The following AUTS2 variants were observed in gnomAD, a reference collection of about 807,000 sequenced individuals.
The protein encoded by AUTS2 is autism susceptibility gene 2 protein.
In AUTS2, 17 loss-of-function variants were observed where a neutral mutation model predicts 112.4. The observed-to-expected ratio is 0.15, with a 90% CI of 0.10 to 0.23. The LOEUF (loss-of-function observed/expected upper bound fraction) is 0.23. Ranked by LOEUF, AUTS2 falls within the 10% of genes least tolerant of loss-of-function variation. The probability of loss-of-function intolerance (pLI) is 1.00; values close to 1 mark genes in which losing one functional copy is unlikely to be tolerated. For synonymous variants in AUTS2, 751 were observed against 702.7 expected (o/e 1.07, Z -1.09); for missense variants, 1,510 against 1,701.6 (o/e 0.89, Z 1.98).
At chr7:69,952,861 A>C (rs2129546130) in intron 2 of AUTS2, among the ~76,000 whole-genome samples, 1 of 152,310 alleles carries the variant, frequency 6.6e-6, no homozygotes, top group South Asian at 2.1e-4. Flanking sequence ...AAATGAAAGA[A>C]ATATTGTCCA....
At chr7:70,243,275 GTGTGTA>G (rs1376789865) in intron 4 of AUTS2, among the ~76,000 whole-genome samples, 24 of 131,636 alleles carry the variant, frequency 1.8e-4, no homozygotes, top group African/African-American at 6.4e-4. Context: ...GTGTGTGTGT[GTGTGTA>G]TGAGTATATA....
chr7:70,243,384 G>T (rs1812734002), intron 4 of AUTS2, among the ~76,000 whole-genome samples: 1 of 151,888 alleles, frequency 6.6e-6, no homozygotes, highest in Non-Finnish European at 1.5e-5. Flanking sequence ...GGTTGATCAG[G>T]CATGAGTGGT....
intron 6 of AUTS2, among the ~76,000 whole-genome samples, chr7:70,713,627 GCTCACGC>G (rs1346033697): frequency 1.9e-4 from 29 of 152,312 alleles, no homozygotes; most frequent in African/African-American, 7.0e-4. Context: ...GGGCGTGGTG[GCTCACGC>G]CTGTAATCCC....
intron 3 of AUTS2, among the ~76,000 whole-genome samples, chr7:70,124,442 C>T (rs1805851508): frequency 6.6e-6 from 1 of 152,134 alleles, no homozygotes; most frequent in Non-Finnish European, 1.5e-5. Flanking sequence ...TTCCTATGTG[C>T]AGCATAGTAC....
intron 2 of AUTS2, among the ~76,000 whole-genome samples, chr7:70,105,693 T>C (rs1472872755): frequency 3.3e-5 from 5 of 152,192 alleles, no homozygotes; most frequent in Non-Finnish European, 7.3e-5. Flanking sequence ...CTTCATTTAC[T>C]GGCCTCTCCC....
chr7:70,590,210 T>G (rs935249028), intron 5 of AUTS2, among the ~76,000 whole-genome samples: 3 of 151,876 alleles, frequency 2.0e-5, no homozygotes, highest in Non-Finnish European at 4.4e-5. Context: ...CCCAGAGAAG[T>G]ACTGACAACA....
At chr7:70,135,590 G>A (rs1806513721) in intron 4 of AUTS2, among the ~76,000 whole-genome samples, 1 of 152,128 alleles carries the variant, frequency 6.6e-6, no homozygotes. Flanking sequence ...ATGGAAACCA[G>A]CATCATTTCA....
intron 2 of AUTS2, among the ~76,000 whole-genome samples, chr7:70,084,116 G>A (rs1803466237): frequency 6.6e-6 from 1 of 151,892 alleles, no homozygotes; most frequent in Non-Finnish European, 1.5e-5. Context: ...ACTGTTTTTT[G>A]TCACTATAAA....
chr7:69,903,458 G>T (rs1795044420), intron 2 of AUTS2, among the ~76,000 whole-genome samples: 1 of 152,146 alleles, frequency 6.6e-6, no homozygotes, highest in African/African-American at 2.4e-5. Flanking sequence ...AAGTTGATGA[G>T]CATTCAGAGA....
chr7:69,836,450 A>T (rs530446286), intron 1 of AUTS2, among the ~76,000 whole-genome samples: 58 of 152,344 alleles, frequency 3.8e-4, no homozygotes, highest in African/African-American at 1.4e-3. Context: ...CGAAGAATTC[A>T]TGTAAGTTGA....
At chr7:69,956,618 T>C (rs940205066) in intron 2 of AUTS2, among the ~76,000 whole-genome samples, 2 of 152,154 alleles carry the variant, frequency 1.3e-5, no homozygotes, top group Non-Finnish European at 1.5e-5. Context: ...TTTATTTCCA[T>C]CTTAAGGAAG....
chr7:70,458,658 C>A (rs1796843812), intron 5 of AUTS2, among the ~76,000 whole-genome samples: 1 of 152,092 alleles, frequency 6.6e-6, no homozygotes, highest in Non-Finnish European at 1.5e-5. Flanking sequence ...CTCCCTTCTC[C>A]CTTTGTTGAT....
chr7:69,810,460 C>T (rs1403423718), intron 1 of AUTS2, among the ~76,000 whole-genome samples: 1 of 149,876 alleles, frequency 6.7e-6, no homozygotes, highest in Non-Finnish European at 1.5e-5. Flanking sequence ...CCTTGGCACA[C>T]AGTAGTTGTT....
At chr7:70,567,378 C>A (rs1232291502) in intron 5 of AUTS2, among the ~76,000 whole-genome samples, 1 of 152,030 alleles carries the variant, frequency 6.6e-6, no homozygotes, top group Non-Finnish European at 1.5e-5. Flanking sequence ...ATGGGGTCAT[C>A]AAAAAAAATT....
At chr7:70,339,490 C>G (rs766984886) in intron 4 of AUTS2, among the ~76,000 whole-genome samples, 1 of 152,190 alleles carries the variant, frequency 6.6e-6, no homozygotes, top group African/African-American at 2.4e-5. Flanking sequence ...ATTTTTCTCT[C>G]TCTCCACTTC....
Position 70,790,011 on chromosome 7 carries a change from A to G in AUTS2, c.2795A>G (p.Glu932Gly). ...HGHEGRAAGE[E>G]AKQLARVPSP... ...CACGAGGGGCGCGCCGCGGGCGAAG[A>G]GGCCAAGCAGCTGGCCCGGGTGCCG... Residue 932 changes from glutamate to glycine, a missense_variant, in exon 19 of 19, where the codon GAG becomes GGG. Transcript: ENST00000342771. This position sits in a 1 kb window ranked among gnomAD's most constrained non-coding sequence, Gnocchi z 7.6. 6.3e-7 allele frequency: 1 copy of G among 1,594,526 alleles called. No individual in the cohort carries two copies. The highest frequency in any genetic ancestry group is 8.5e-7 in the Non-Finnish European group (1 of 1,171,014).
intron 4 of AUTS2, among the ~76,000 whole-genome samples, chr7:70,280,740 A>T (rs1788178370): frequency 6.6e-6 from 1 of 152,164 alleles, no homozygotes; most frequent in South Asian, 2.1e-4. Context: ...ACAACAATAC[A>T]GTGGGGTATT....
At chr7:70,465,163 A>G (rs1032927612) in intron 5 of AUTS2, among the ~76,000 whole-genome samples, 2 of 152,346 alleles carry the variant, frequency 1.3e-5, no homozygotes, top group South Asian at 2.1e-4. Context: ...GAAAAACACC[A>G]GAAGGACTTG....
At chr7:70,458,969 A>G (rs1164955008) in intron 5 of AUTS2, among the ~76,000 whole-genome samples, 1 of 152,020 alleles carries the variant, frequency 6.6e-6, no homozygotes, top group Non-Finnish European at 1.5e-5. Context: ...CTTACTCCCG[A>G]CCCGGGCCTC....
Sources: gnomAD v4.1 joint callset for allele counts (sites outside exome capture counted in the v4.1 genomes callset) on GRCh38, gnomAD v4.1.1 for gene constraint, Gnocchi (gnomAD v3.1) non-coding constraint, MANE v1.5 for transcripts, NCBI Gene and HGNC (gene_info 2026-07-23, HGNC 2026-07-21) for gene names.